Variants in SNX24 observed in about 807,000 individuals in gnomAD.
SNX24 encodes sorting nexin-24.
Under a neutral mutation model 28.7 loss-of-function variants are expected in SNX24, and 22 were observed. The ratio of observed to expected loss-of-function variants is 0.77; its 90% CI spans 0.55 to 1.10. The LOEUF is 1.10. SNX24 is among the 50% of genes least tolerant of loss of function. The pLI, the probability that SNX24 is intolerant of heterozygous loss-of-function variation, is 0.00. For synonymous variants in SNX24, 69 were observed against 71.5 expected, an observed-to-expected ratio of 0.96 and a Z score of 0.18; for missense variants, 221 against 201.1, an observed-to-expected ratio of 1.10 and a Z score of -0.60.
At chr5:122,857,699 C>T (rs543330649) in intron 1 of SNX24, among the ~76,000 whole-genome samples, 113 of 152,266 alleles carry the variant, frequency 7.4e-4, no homozygotes, top group Non-Finnish European at 1.3e-3. Flanking sequence ...CTAAGGATAA[C>T]GGCCTCCAGC....
In SNX24 at chr5:122,911,908, C is replaced by T. The variant is rs1337458414; in HGVS notation, c.61-24826C>T. Among the ~76,000 whole-genome samples, 4 of 149,796 alleles carry T rather than the reference C, an allele frequency of 2.7e-5. No individual in the cohort carries two copies. In the South Asian group the frequency reaches 6.6e-4, roughly 25 times the overall value. On this transcript the variant is annotated intron_variant, in intron 1 of 6. Transcript: ENST00000261369. The stretch of plus-strand genomic sequence containing the variant: ...TAGTTTGAAGTCAGGTAGCGTGATG[C>T]TTCCAGCTTTGTTCTTTTGGCTTAG...
chr5:123,023,839 C>G (rs750629331), intron 5 of SNX24: 2 of 1,609,314 alleles, frequency 1.2e-6, no homozygotes, highest in Non-Finnish European at 1.7e-6. Flanking sequence ...CACACACACC[C>G]CTGCCAAAGC....
At chr5:122,853,573 GGCACAAGCAAGCTT>G in intron 1 of SNX24, 1 of 260,702 alleles carries the variant, frequency 3.8e-6, no homozygotes, top group East Asian at 9.8e-5. Context: ...GAAATTTGGG[GGCACAAGCAAGCTT>G]GTTTTCATTG....
chr5:122,947,642 G>C (rs1025725816), intron 3 of SNX24, among the ~76,000 whole-genome samples: 9 of 152,214 alleles, frequency 5.9e-5, no homozygotes, highest in Non-Finnish European at 1.3e-4. Flanking sequence ...AGACTGAGGA[G>C]CTATGATCCT....
chr5:122,854,624 C>G (rs1755100549), intron 1 of SNX24, among the ~76,000 whole-genome samples: 1 of 151,102 alleles, frequency 6.6e-6, no homozygotes, highest in Non-Finnish European at 1.5e-5. Flanking sequence ...ATATTTGTGT[C>G]TCCACTCCTT....
At chr5:122,955,477 A>G (rs1046760149) in intron 3 of SNX24, among the ~76,000 whole-genome samples, 5 of 152,146 alleles carry the variant, frequency 3.3e-5, no homozygotes, top group African/African-American at 1.2e-4. Context: ...ATACATTTTT[A>G]TAATTATGAG....
At chr5:122,892,086 G>T (rs1167875246) in intron 1 of SNX24, among the ~76,000 whole-genome samples, 1 of 152,080 alleles carries the variant, frequency 6.6e-6, no homozygotes, top group Non-Finnish European at 1.5e-5. Context: ...AAACCTAAAG[G>T]AATATTGAAA....
chr5:122,893,954 A>C (rs1757093074), intron 1 of SNX24, among the ~76,000 whole-genome samples: 1 of 152,056 alleles, frequency 6.6e-6, no homozygotes, highest in African/African-American at 2.4e-5. Flanking sequence ...AAGCTGTGGC[A>C]GGAGAATCGC....
At chr5:123,024,536 C>A (rs1234391175) in intron 5 of SNX24, among the ~76,000 whole-genome samples, 1 of 152,182 alleles carries the variant, frequency 6.6e-6, no homozygotes, top group African/African-American at 2.4e-5. Context: ...CCCCAGCCCC[C>A]CACAGTGCTG....
At chr5:122,987,437 T>C (rs1033646981) in intron 3 of SNX24, among the ~76,000 whole-genome samples, 6 of 152,216 alleles carry the variant, frequency 3.9e-5, no homozygotes, top group Non-Finnish European at 5.9e-5. Context: ...TAGAGAAAAG[T>C]AACAAGATTT....
chr5:123,011,413 A>G (rs544388162), downstream of SNX24, among the ~76,000 whole-genome samples: 16 of 152,274 alleles, frequency 1.1e-4, no homozygotes, highest in Admixed American at 7.2e-4. Context: ...CCCCATTACA[A>G]TCAGCCATGT....
At chr5:122,946,222 C>G in intron 3 of SNX24, 63 bp downstream of exon 3, 1 of 972,952 alleles carries the variant, frequency 1.0e-6, no homozygotes, top group East Asian at 2.6e-5. Context: ...ACCACTTTTT[C>G]TCAGGACATG....
chr5:122,916,307 C>T (rs1758162841), intron 1 of SNX24, among the ~76,000 whole-genome samples: 1 of 152,154 alleles, frequency 6.6e-6, no homozygotes, highest in Admixed American at 6.6e-5. Flanking sequence ...CCAGGGAGAC[C>T]TGGATCTCTG....
At chr5:122,923,824 G>A (rs947013756) in intron 1 of SNX24, among the ~76,000 whole-genome samples, 3 of 151,998 alleles carry the variant, frequency 2.0e-5, no homozygotes, top group African/African-American at 4.8e-5. Flanking sequence ...GCATCCACCC[G>A]AGCTTACGCT....
At chr5:123,025,944 A>T in intron 5 of SNX24, 1 of 1,607,406 alleles carries the variant, frequency 6.2e-7, no homozygotes, top group Non-Finnish European at 8.5e-7. Context: ...CTCATCTGGA[A>T]ATGTCTCACC....
At chr5:122,877,060 A>G (rs937514451) in intron 1 of SNX24, among the ~76,000 whole-genome samples, 2 of 152,162 alleles carry the variant, frequency 1.3e-5, no homozygotes, top group East Asian at 3.9e-4. Context: ...GAGGGTGGGC[A>G]TCTGCCATTG....
intron 1 of SNX24, among the ~76,000 whole-genome samples, chr5:122,853,379 G>C (rs191566842): frequency 6.6e-6 from 1 of 151,832 alleles, no homozygotes; most frequent in Non-Finnish European, 1.5e-5. Context: ...CACCCGCCTC[G>C]GCCTCCCAAA....
intron 1 of SNX24, among the ~76,000 whole-genome samples, chr5:122,901,688 C>T (rs1032175705): frequency 6.6e-6 from 1 of 152,160 alleles, no homozygotes; most frequent in Non-Finnish European, 1.5e-5. Flanking sequence ...ATTGATCTTA[C>T]AGGATCTTGA....
chr5:123,021,106 C>CA (rs963597129), intron 5 of SNX24, among the ~76,000 whole-genome samples: 7 of 150,150 alleles, frequency 4.7e-5, no homozygotes, highest in African/African-American at 1.7e-4. Context: ...CACACAGTTC[C>CA]CCCCCCGTCC....
Sources: gnomAD v4.1 joint callset for allele counts (sites outside exome capture counted in the v4.1 genomes callset) on GRCh38, gnomAD v4.1.1 for gene constraint, MANE v1.5 for transcripts, NCBI Gene and HGNC (gene_info 2026-07-23, HGNC 2026-07-21) for gene names.